JAM2: variants seen among roughly 807,000 people sequenced by gnomAD.
The protein encoded by JAM2 is junctional adhesion molecule 2, also known as junctional adhesion molecule B.
Under a neutral mutation model 42.0 loss-of-function variants are expected in JAM2, and 17 were observed. The ratio of observed to expected loss-of-function variants is 0.40; its 90% CI spans 0.28 to 0.61. The LOEUF (loss-of-function observed/expected upper bound fraction) is 0.61. Among genes scored for constraint, JAM2 ranks in the 20% least tolerant of loss-of-function variants. The pLI is 0.37. For missense variants in JAM2, 319 were observed against 358.3 expected, an observed-to-expected ratio of 0.89 and a Z score of 0.89; for synonymous variants, 118 against 128.6, an observed-to-expected ratio of 0.92 and a Z score of 0.56.
At chr21:25,699,683 A>T (rs188352598) in intron 5 of JAM2, among the ~76,000 whole-genome samples, 2 of 132,046 alleles carry the variant, frequency 1.5e-5, no homozygotes, top group Non-Finnish European at 3.1e-5. Flanking sequence ...AGATCGCGCC[A>T]CTGCGCTCCA....
chr21:25,657,125 A>C (rs895354306), intron 1 of JAM2, among the ~76,000 whole-genome samples: 1 of 151,022 alleles, frequency 6.6e-6, no homozygotes, highest in Non-Finnish European at 1.5e-5. Flanking sequence ...TTGGGATGGG[A>C]TCTCTCTCTG....
At chr21:25,656,168 G>A (rs1244795552) in intron 1 of JAM2, among the ~76,000 whole-genome samples, 1 of 151,902 alleles carries the variant, frequency 6.6e-6, no homozygotes, top group Non-Finnish European at 1.5e-5. Flanking sequence ...TAGACTGATG[G>A]CAAGAAAAAG....
intron 1 of JAM2, among the ~76,000 whole-genome samples, chr21:25,646,127 A>G (rs368023907): frequency 7.2e-5 from 11 of 152,370 alleles, no homozygotes; most frequent in African/African-American, 2.2e-4. Flanking sequence ...CGGGCGTTAT[A>G]GCATCACTAG....
chr21:25,645,213 AT>A (rs1360933695), intron 1 of JAM2, among the ~76,000 whole-genome samples: 7 of 152,308 alleles, frequency 4.6e-5, no homozygotes, highest in Non-Finnish European at 8.8e-5. Context: ...TGTATTTCAA[AT>A]TGCATAGTAT....
At chr21:25,641,190 A>G (rs73897019) in intron 1 of JAM2, among the ~76,000 whole-genome samples, 2,354 of 142,184 alleles carry the variant, frequency 0.017, 49 homozygotes, top group African/African-American at 0.055. Context: ...CTAAAAGGCA[A>G]CAGAGAGGTA....
intron 1 of JAM2, among the ~76,000 whole-genome samples, chr21:25,657,315 G>C (rs1159868378): frequency 6.6e-6 from 1 of 152,152 alleles, no homozygotes; most frequent in African/African-American, 2.4e-5. Context: ...CAACCAACCT[G>C]ACTTTCATCT....
Position 25,696,853 on chromosome 21 carries a change from A to G in JAM2, c.395-1824A>G, listed in dbSNP as rs189171294. Among the ~76,000 whole-genome samples, 386 of 152,274 alleles carry G rather than the reference A, an allele frequency of 2.5e-3. 1 individual carries two copies. The highest frequency in any genetic ancestry group is 0.017 in the Middle Eastern group (5 of 294). On this transcript the variant is annotated intron_variant, in intron 4 of 9. Transcript: ENST00000480456. ...CTTCCATCTTCAATGAAAGAAAAGCATATCAAATTCTTGTACTTCATTTTT... is the reference window on the plus strand; with the variant it reads ...CTTCCATCTTCAATGAAAGAAAAGCGTATCAAATTCTTGTACTTCATTTTT...
At position 25,689,823 on chromosome 21, in the gene JAM2, A is replaced by C. The variant is rs748934254; in HGVS notation, c.134-43A>C. On this transcript the variant is annotated intron_variant, in intron 2 of 9. Transcript: ENST00000480456. Reference sequence around the variant, plus strand: ...ACCTAGTTAAGTAAAATATAAATTCATGGGGACAATTAGAAAACAAGTATT... The same window carrying C: ...ACCTAGTTAAGTAAAATATAAATTCCTGGGGACAATTAGAAAACAAGTATT... 3 of 1,257,600 alleles carry C rather than the reference A, an allele frequency of 2.4e-6. No homozygotes were observed. The African/African-American group carries it at 4.5e-5, about 19-fold the overall frequency. The allele number at this position is 1,257,600 out of a possible 1,614,324, so 77.9% of individuals were successfully genotyped here. A position where few individuals can be genotyped will look rare whatever the true frequency, so the allele number is the denominator to read the frequency against.
At chr21:25,708,395 C>G (rs1051367753) in intron 7 of JAM2, among the ~76,000 whole-genome samples, 9 of 151,988 alleles carry the variant, frequency 5.9e-5, no homozygotes, top group African/African-American at 1.9e-4. Context: ...ATAGGGAGAC[C>G]CTTTCTTTAC....
At chr21:25,690,689 T>A (rs1312160957) in intron 3 of JAM2, among the ~76,000 whole-genome samples, 11 of 152,146 alleles carry the variant, frequency 7.2e-5, no homozygotes, top group Non-Finnish European at 7.4e-5. Flanking sequence ...AATGGTGTGG[T>A]TTGGAAATGG....
chr21:25,673,582 T>C (rs554263443), intron 1 of JAM2, among the ~76,000 whole-genome samples: 1 of 152,202 alleles, frequency 6.6e-6, no homozygotes, highest in Non-Finnish European at 1.5e-5. Flanking sequence ...ACCCTAAAGG[T>C]TGAAAATGGC....
At chr21:25,682,472 A>G (rs139219143) in intron 1 of JAM2, among the ~76,000 whole-genome samples, 1 of 152,338 alleles carries the variant, frequency 6.6e-6, no homozygotes, top group Non-Finnish European at 1.5e-5. Context: ...AGGACGTGCG[A>G]CAGGGGTGTG....
chr21:25,665,490 CAT>C (rs909892921), intron 1 of JAM2, among the ~76,000 whole-genome samples: 39 of 152,202 alleles, frequency 2.6e-4, no homozygotes, highest in African/African-American at 3.6e-4. Context: ...ACCAACAAGA[CAT>C]GTGTGTATGT....
intron 5 of JAM2, 57 bp downstream of exon 5, chr21:25,698,936 A>C: frequency 6.9e-7 from 1 of 1,458,416 alleles, no homozygotes; most frequent in African/African-American, 1.4e-5. Context: ...TAAAAAAATT[A>C]TTAGAACTTA....
At chr21:25,649,218 G>C (rs1282310448) in intron 1 of JAM2, among the ~76,000 whole-genome samples, 1 of 152,190 alleles carries the variant, frequency 6.6e-6, no homozygotes, top group Non-Finnish European at 1.5e-5. Context: ...GCACGTATTA[G>C]TGTGTTCTCA....
At position 25,698,772 on chromosome 21, in the gene JAM2, C is replaced by G. The variant is rs746327999; in HGVS notation, c.490C>G (p.Pro164Ala). ...TCAAGACAAAGAAGGGAATCCAGCT[C>G]CTGAATACACATGGTTTAAGGATGG... ...RCQDKEGNPAPEYTWFKDGIR... is the reference protein window; with the variant it reads ...RCQDKEGNPAAEYTWFKDGIR... Residue 164 changes from proline (P) to alanine (A), a missense_variant, in exon 5 of 10, where the codon CCT becomes GCT. Coordinates refer to ENST00000480456, the MANE Select transcript of JAM2 (RefSeq NM_021219.4). 1 of 1,614,124 alleles carries G rather than the reference C, an allele frequency of 6.2e-7. No individual in the cohort carries two copies. The highest frequency in any genetic ancestry group is 8.5e-7 in the Non-Finnish European group (1 of 1,180,012).
intron 4 of JAM2, among the ~76,000 whole-genome samples, chr21:25,694,241 A>G (rs943965666): frequency 2.6e-5 from 4 of 152,220 alleles, no homozygotes; most frequent in East Asian, 1.9e-4. Context: ...AGTTTCTCCA[A>G]CCATTTAAAG....
At chr21:25,653,143 A>C (rs1180088445) in intron 1 of JAM2, among the ~76,000 whole-genome samples, 2 of 152,214 alleles carry the variant, frequency 1.3e-5, no homozygotes, top group African/African-American at 2.4e-5. Flanking sequence ...CAAACGTGGA[A>C]CTGGGATGGA....
rs2034489113 is a variant in JAM2, at chr21:25,716,834, G to C, written c.*2162G>C. On this transcript the variant is annotated 3_prime_UTR_variant, in exon 10 of 10. Coordinates refer to ENST00000480456, the MANE Select transcript of JAM2 (RefSeq NM_021219.4). ...CTAAATGTTACCTATGTTTTGGTTG[G>C]AAGATTTCTTTGGTTTGAGGAATGC... 1 of 152,218 alleles carries C rather than the reference G, an allele frequency of 6.6e-6. No homozygotes were observed. The highest frequency in any genetic ancestry group is 6.5e-5 in the Admixed American group (1 of 15,282). 9.4% of individuals were successfully genotyped at this position (152,218 alleles called of 1,614,324 possible). A position where few individuals can be genotyped will look rare whatever the true frequency, so the allele number is the denominator to read the frequency against.
Sources: allele counts gnomAD v4.1 joint callset (sites outside exome capture counted in the v4.1 genomes callset), GRCh38; gene constraint gnomAD v4.1.1; transcripts MANE v1.5; gene names NCBI Gene and HGNC (gene_info 2026-07-23, HGNC 2026-07-21).